Variants in MEI1 observed in about 807,000 individuals in gnomAD.
The protein encoded by MEI1 is meiotic double-stranded break formation protein 1.
MEI1 carries 103 observed loss-of-function variants against 146.2 expected under a neutral mutation model. The ratio of observed to expected loss-of-function variants is 0.70; its 90% CI spans 0.60 to 0.83. The LOEUF is 0.83. Among genes scored for constraint, MEI1 ranks in the 40% least tolerant of loss-of-function variants. MEI1 has a pLI of 0.00. For synonymous variants in MEI1, 652 were observed against 628.2 expected (o/e 1.04, Z -0.57); for missense variants, 1,529 against 1,533.0 (o/e 1.00, Z 0.04).
chr22:41,793,059 T>TTTTC (rs1375772383), intron 26 of MEI1, among the ~76,000 whole-genome samples: 6 of 143,790 alleles, frequency 4.2e-5, no homozygotes, highest in Non-Finnish European at 6.1e-5. Flanking sequence ...TTTTTTTTTT[T>TTTTC]TTTTCAGATA....
chr22:41,741,488 T>A (rs755754284), intron 11 of MEI1, among the ~76,000 whole-genome samples: 49 of 152,234 alleles, frequency 3.2e-4, no homozygotes, highest in Non-Finnish European at 2.6e-4. Flanking sequence ...TCAATGACTG[T>A]TGGCTCTTCT....
At chr22:41,727,206 A>G (rs1390397058) in intron 7 of MEI1, among the ~76,000 whole-genome samples, 2 of 152,008 alleles carry the variant, frequency 1.3e-5, no homozygotes, top group Non-Finnish European at 2.9e-5. Flanking sequence ...TAGTAGTCTC[A>G]TGTCTACTTG....
At chr22:41,704,316 G>A (rs2068918598) in intron 2 of MEI1, among the ~76,000 whole-genome samples, 1 of 151,984 alleles carries the variant, frequency 6.6e-6, no homozygotes, top group Non-Finnish European at 1.5e-5. Flanking sequence ...GGGAATTTAT[G>A]CTAACAAGTG....
At chr22:41,719,839 G>A (rs1011850800) in intron 6 of MEI1, among the ~76,000 whole-genome samples, 1 of 152,178 alleles carries the variant, frequency 6.6e-6, no homozygotes, top group Non-Finnish European at 1.5e-5. Context: ...GAACAGATGG[G>A]CACTGTAATT....
intron 26 of MEI1, among the ~76,000 whole-genome samples, chr22:41,789,171 G>C (rs1002384019): frequency 5.9e-5 from 9 of 152,094 alleles, no homozygotes; most frequent in Non-Finnish European, 5.9e-5. Flanking sequence ...AATTAGCCGG[G>C]CGTGGTGGCG....
intron 1 of MEI1, among the ~76,000 whole-genome samples, chr22:41,701,400 G>A (rs749477008): frequency 1.3e-5 from 2 of 152,100 alleles, no homozygotes; most frequent in Non-Finnish European, 2.9e-5. Flanking sequence ...GGAGGCCGAG[G>A]TGGTTGGATC....
At position 41,716,355 on chromosome 22, in the gene MEI1, C is replaced by CT. The variant is rs6147630; in HGVS notation, c.529+247dup. 5.6e-4 allele frequency among the ~76,000 whole-genome samples: 66 copies of CT among 118,568 alleles called. 6 individuals carry two copies. The highest frequency in any genetic ancestry group is 8.2e-4 in the Non-Finnish European group (48 of 58,680). 77.8% of individuals were successfully genotyped at this position (118,568 alleles called of 152,430 possible). A position where few individuals can be genotyped will look rare whatever the true frequency, so the allele number is the denominator to read the frequency against. ...TATTCTTGGACTATTTCCATTCATT[C>CT]TTTTTTTTTTTTTTTTTTTTTTTTT... On this transcript the variant is annotated intron_variant, in intron 5 of 30. Coordinates refer to ENST00000401548, the MANE Select transcript of MEI1 (RefSeq NM_152513.4).
chr22:41,744,900 C>T (rs145056150), intron 12 of MEI1, 73 bp from the exon 13 acceptor site: 1,062 of 865,852 alleles, frequency 1.2e-3, no homozygotes, highest in Non-Finnish European at 1.6e-3. Flanking sequence ...AAGAGGTCTA[C>T]AGTCATCCAA....
chr22:41,791,764 T>C, intron 26 of MEI1, among the ~76,000 whole-genome samples: 1 of 152,218 alleles, frequency 6.6e-6, no homozygotes, highest in East Asian at 1.9e-4. Context: ...CATCAACTGA[T>C]GAATGGACAA....
chr22:41,726,715 A>G (rs1356273490), intron 7 of MEI1, among the ~76,000 whole-genome samples: 2 of 152,112 alleles, frequency 1.3e-5, no homozygotes, highest in Non-Finnish European at 2.9e-5. Flanking sequence ...CGTTACATCA[A>G]TAGCATCTTA....
At chr22:41,784,314 A>T (rs1249848886) in intron 24 of MEI1, 25 bp from the exon 25 acceptor site, 1 of 1,606,066 alleles carries the variant, frequency 6.2e-7, no homozygotes, top group Non-Finnish European at 8.5e-7. Flanking sequence ...CATGGGGGTT[A>T]GCCCTTTACC....
chr22:41,784,482 A>G, intron 25 of MEI1, 62 bp downstream of exon 25: 2 of 1,601,766 alleles, frequency 1.2e-6, no homozygotes, highest in South Asian at 2.2e-5. Flanking sequence ...AGATAAGACC[A>G]GCACCCTGAC....
chr22:41,789,173 G>T (rs1265547574), intron 26 of MEI1, among the ~76,000 whole-genome samples: 1 of 152,062 alleles, frequency 6.6e-6, no homozygotes. Context: ...TTAGCCGGGC[G>T]TGGTGGCGCG....
intron 8 of MEI1, 53 bp downstream of exon 8, chr22:41,729,832 G>T: frequency 1.6e-6 from 2 of 1,218,486 alleles, no homozygotes; most frequent in Non-Finnish European, 1.2e-6. Context: ...ATGGGGTGGT[G>T]ACAGGTTCAA....
chr22:41,727,293 C>G (rs1443973018), intron 7 of MEI1, among the ~76,000 whole-genome samples: 1 of 152,144 alleles, frequency 6.6e-6, no homozygotes, highest in Non-Finnish European at 1.5e-5. Context: ...TGGCATTTTT[C>G]TCCCCCAAAA....
chr22:41,783,650 C>T (rs1032790423), intron 24 of MEI1, among the ~76,000 whole-genome samples: 1 of 151,974 alleles, frequency 6.6e-6, no homozygotes, highest in African/African-American at 2.4e-5. Flanking sequence ...AGTAACTTGC[C>T]CAAGGCCATA....
chr22:41,705,671 A>T (rs1003475355), intron 3 of MEI1, 117 bp downstream of exon 3: 24 of 797,868 alleles, frequency 3.0e-5, no homozygotes, highest in Admixed American at 6.7e-5. Flanking sequence ...GAGGAACCCC[A>T]TTAGTTTTCA....
chr22:41,735,876 C>G (rs1378837603), intron 11 of MEI1, among the ~76,000 whole-genome samples: 1 of 152,174 alleles, frequency 6.6e-6, no homozygotes, highest in Non-Finnish European at 1.5e-5. Flanking sequence ...CAGCTACTAG[C>G]TATATGTTGA....
At chr22:41,708,866 C>G (rs2069308893) in intron 3 of MEI1, among the ~76,000 whole-genome samples, 1 of 152,180 alleles carries the variant, frequency 6.6e-6, no homozygotes, top group African/African-American at 2.4e-5. Flanking sequence ...GGAGTTAAGT[C>G]TATGCTGAAA....
Sources: allele counts gnomAD v4.1 joint callset (sites outside exome capture counted in the v4.1 genomes callset), GRCh38; gene constraint gnomAD v4.1.1; transcripts MANE v1.5; gene names NCBI Gene and HGNC (gene_info 2026-07-23, HGNC 2026-07-21).